FGF12: variants seen among roughly 807,000 people sequenced by gnomAD.
FGF12 encodes the protein fibroblast growth factor 12.
Under a neutral mutation model 23.6 loss-of-function variants are expected in FGF12, and 14 were observed. The ratio of observed to expected loss-of-function variants is 0.59; its 90% CI spans 0.39 to 0.93. FGF12 has a LOEUF of 0.93. Ranked by LOEUF, FGF12 falls within the 40% of genes least tolerant of loss-of-function variation. The pLI is 0.00. For synonymous variants in FGF12, 62 were observed against 77.3 expected, an observed-to-expected ratio of 0.80 and a Z score of 1.04; for missense variants, 175 against 217.8, an observed-to-expected ratio of 0.80 and a Z score of 1.24.
rs142791277 is a variant in FGF12, at chr3:192,161,040, AAAT to A, written c.427+9415_427+9417del. 7.9e-3 allele frequency among the ~76,000 whole-genome samples: 1,202 copies of A among 152,246 alleles called. 25 individuals are homozygous for A. The highest frequency in any genetic ancestry group is 0.028 in the African/African-American group (1,157 of 41,562). On this transcript the variant is annotated intron_variant, in intron 5 of 5. Transcript: ENST00000445105. ...AAATAAGAAAAATCAATGAAACAGA[AAAT>A]AAACCAAGAAAGCTGACGACCACCC... is the stretch of plus-strand genomic sequence containing the variant.
At chr3:192,701,682 C>A (rs1186307568) in intron 2 of FGF12, among the ~76,000 whole-genome samples, 1 of 151,816 alleles carries the variant, frequency 6.6e-6, no homozygotes. Context: ...TGTGATTGAG[C>A]AAGACACATC....
intron 4 of FGF12, among the ~76,000 whole-genome samples, chr3:192,250,842 T>G (rs1386214371): frequency 6.6e-6 from 1 of 152,132 alleles, no homozygotes; most frequent in African/African-American, 2.4e-5. Flanking sequence ...GGATGTTCAT[T>G]TATTTAAAAT....
Position 192,408,307 on chromosome 3 carries a change from G to A in FGF12, c.14-47769C>T. On this transcript the variant is annotated intron_variant, in intron 2 of 5. Coordinates refer to ENST00000445105, the MANE Select transcript of FGF12 (RefSeq NM_004113.6). This position sits in a 1 kb window ranked among gnomAD's most constrained non-coding sequence, Gnocchi z 7.3. ...GCCGGGGCGAGGGCAGGACCTGGGCGGCCAGGGAAAGGGCAGTCGCGGGGA... is the reference window on the plus strand; with the variant it reads ...GCCGGGGCGAGGGCAGGACCTGGGCAGCCAGGGAAAGGGCAGTCGCGGGGA... 5 of 1,456,330 alleles carry A rather than the reference G, an allele frequency of 3.4e-6. No homozygotes were observed. The highest frequency in any genetic ancestry group is 3.6e-6 in the Non-Finnish European group (4 of 1,110,056). The allele number at this position is 1,456,330 out of a possible 1,614,324, so 90.2% of individuals were successfully genotyped here.
At chr3:192,649,076 G>T (rs1013389802) in intron 2 of FGF12, among the ~76,000 whole-genome samples, 1 of 152,124 alleles carries the variant, frequency 6.6e-6, no homozygotes, top group African/African-American at 2.4e-5. Flanking sequence ...GTCAAAAGTT[G>T]AAGGCTTTTG....
At chr3:192,556,791 G>A (rs932547924) in intron 2 of FGF12, among the ~76,000 whole-genome samples, 1 of 152,076 alleles carries the variant, frequency 6.6e-6, no homozygotes, top group African/African-American at 2.4e-5. Context: ...CAAATTTAAG[G>A]ATATTATTTC....
intron 2 of FGF12, among the ~76,000 whole-genome samples, chr3:192,671,330 A>C (rs1717107437): frequency 6.6e-6 from 1 of 152,176 alleles, no homozygotes; most frequent in Non-Finnish European, 1.5e-5. Context: ...TCAGGTGAAC[A>C]GTTGGGAAAC....
chr3:192,316,226 A>G (rs1716221434), intron 4 of FGF12, among the ~76,000 whole-genome samples: 1 of 152,208 alleles, frequency 6.6e-6, no homozygotes, highest in Admixed American at 6.5e-5. Flanking sequence ...ACACTCCAGC[A>G]GCTGTCCTCC....
intron 2 of FGF12, among the ~76,000 whole-genome samples, chr3:192,708,203 C>T (rs186438573): frequency 6.6e-6 from 1 of 152,072 alleles, no homozygotes; most frequent in Non-Finnish European, 1.5e-5. Flanking sequence ...TCGTGATCCA[C>T]CCACCTCGGC....
At chr3:192,159,410 GC>G (rs1714737530) in intron 5 of FGF12, among the ~76,000 whole-genome samples, 1 of 152,084 alleles carries the variant, frequency 6.6e-6, no homozygotes, top group Non-Finnish European at 1.5e-5. Flanking sequence ...CAAATCACTG[GC>G]TACTCTATTT....
Position 192,481,770 on chromosome 3 carries a change from TTCCAATAAAATGAA to T in FGF12, c.14-121246_14-121233del, listed in dbSNP as rs532109571. Among the ~76,000 whole-genome samples the T allele has an allele frequency of 1.8e-3, 276 of 152,304 alleles. 1 individual carries two copies. Among genetic ancestry groups the T allele is most frequent in the Non-Finnish European group, 3.1e-3 (214 of 68,008 alleles). On this transcript the variant is annotated intron_variant, in intron 2 of 5. Coordinates refer to ENST00000445105, the MANE Select transcript of FGF12 (RefSeq NM_004113.6). ...CTGAAGTTCGGTCTACGTCTGGATT[TTCCAATAAAATGAA>T]TCACGTTATCCCCTGGTGTTTAAGC...
At chr3:192,252,511 C>CAAGAG (rs1712100026) in intron 4 of FGF12, among the ~76,000 whole-genome samples, 1 of 105,438 alleles carries the variant, frequency 9.5e-6, no homozygotes, top group African/African-American at 3.6e-5. Context: ...GAAGAGAAGA[C>CAAGAG]AAGAGAAGAC....
At chr3:192,552,064 C>A (rs1711548686) in intron 2 of FGF12, among the ~76,000 whole-genome samples, 1 of 151,892 alleles carries the variant, frequency 6.6e-6, no homozygotes, top group Non-Finnish European at 1.5e-5. Context: ...GTTGGGAAAT[C>A]TCAGGAGAGA....
intron 4 of FGF12, among the ~76,000 whole-genome samples, chr3:192,173,348 A>G (rs1431095471): frequency 6.6e-6 from 1 of 150,826 alleles, no homozygotes; most frequent in African/African-American, 2.4e-5. Flanking sequence ...GAGGGAAGGA[A>G]TGAAACTATT....
intron 2 of FGF12, among the ~76,000 whole-genome samples, chr3:192,503,766 C>T (rs1042147236): frequency 2.6e-5 from 4 of 151,870 alleles, no homozygotes; most frequent in South Asian, 2.1e-4. Flanking sequence ...CCACCACGCC[C>T]GGCTAAATTT....
intron 4 of FGF12, among the ~76,000 whole-genome samples, chr3:192,215,428 T>C (rs1198401581): frequency 6.6e-6 from 1 of 152,220 alleles, no homozygotes; most frequent in African/African-American, 2.4e-5. Context: ...GGACCTCACA[T>C]GGCAATTATT....
At position 192,150,766 on chromosome 3, in the gene FGF12, C is replaced by T. The variant is rs1239137663; in HGVS notation, c.428-6639G>A. The stretch of plus-strand genomic sequence containing the variant: ...AGGTAGTGTGATGCCTCCAGCTTTG[C>T]TCTTTTGGCTTAGGATTGACTTGGC... On this transcript the variant is annotated intron_variant, in intron 5 of 5. Transcript: ENST00000445105. Among the ~76,000 whole-genome samples, 6 of 147,138 alleles carry T rather than the reference C, an allele frequency of 4.1e-5. No homozygotes were observed. In the South Asian group the frequency reaches 6.6e-4, roughly 16 times the overall value.
chr3:192,496,558 TC>T (rs1723963517), intron 2 of FGF12, among the ~76,000 whole-genome samples: 2 of 152,054 alleles, frequency 1.3e-5, no homozygotes, highest in Non-Finnish European at 2.9e-5. Flanking sequence ...CATCTCACAT[TC>T]CCTTACTTCT....
chr3:192,318,740 T>C (rs1188006206), intron 4 of FGF12, among the ~76,000 whole-genome samples: 1 of 151,988 alleles, frequency 6.6e-6, no homozygotes, highest in Non-Finnish European at 1.5e-5. Context: ...AAGAAGGTTA[T>C]AAACATCAAG....
intron 2 of FGF12, among the ~76,000 whole-genome samples, chr3:192,467,281 C>G (rs1461096538): frequency 6.6e-6 from 1 of 152,328 alleles, no homozygotes. Flanking sequence ...AGGCAGTTCA[C>G]TCTCCCTCTA....
Sources: allele counts gnomAD v4.1 joint callset (sites outside exome capture counted in the v4.1 genomes callset), GRCh38; gene constraint gnomAD v4.1.1; non-coding constraint Gnocchi (gnomAD v3.1); transcripts MANE v1.5; gene names NCBI Gene and HGNC (gene_info 2026-07-23, HGNC 2026-07-21).